BABAM2: variants seen among roughly 807,000 people sequenced by gnomAD.
The protein encoded by BABAM2 is BRISC and BRCA1-A complex member 2.
In BABAM2, 31 loss-of-function variants were observed where a neutral mutation model predicts 54.7. That is an observed-to-expected ratio of 0.57 (90% CI 0.43 to 0.77). The LOEUF is 0.77. Among genes scored for constraint, BABAM2 ranks in the 30% least tolerant of loss-of-function variants. The pLI is 0.00. For synonymous variants in BABAM2, 167 were observed against 162.9 expected (o/e 1.03, Z -0.19); for missense variants, 364 against 455.8 (o/e 0.80, Z 1.83).
intron 3 of BABAM2, among the ~76,000 whole-genome samples, chr2:27,942,965 T>A (rs1030489532): frequency 1.3e-5 from 2 of 152,102 alleles, no homozygotes; most frequent in Non-Finnish European, 2.9e-5. Context: ...CACCATTTTT[T>A]TGTAGAGACG....
intron 6 of BABAM2, among the ~76,000 whole-genome samples, chr2:28,047,655 A>G (rs1677689157): frequency 6.6e-6 from 1 of 151,296 alleles, no homozygotes; most frequent in East Asian, 1.9e-4. Flanking sequence ...CTTGCCAGTC[A>G]GTTAAGAGAA....
intron 6 of BABAM2, among the ~76,000 whole-genome samples, chr2:28,072,680 C>T (rs567035691): frequency 9.9e-5 from 15 of 152,208 alleles, no homozygotes; most frequent in Middle Eastern, 3.4e-3. Context: ...CCACTGTGCC[C>T]GGCCAGCCTG....
chr2:28,082,160 A>T (rs1377115257), intron 6 of BABAM2, among the ~76,000 whole-genome samples: 1 of 152,222 alleles, frequency 6.6e-6, no homozygotes. Context: ...CCCTGATATC[A>T]GTAATTTGAA....
At chr2:28,022,287 G>A (rs1057416369) in intron 4 of BABAM2, among the ~76,000 whole-genome samples, 3 of 152,236 alleles carry the variant, frequency 2.0e-5, no homozygotes, top group Non-Finnish European at 4.4e-5. Context: ...GCAAGTGCCA[G>A]TTCGTTGGTT....
chr2:27,949,426 T>C (rs13382482), intron 3 of BABAM2, among the ~76,000 whole-genome samples: 111,738 of 151,570 alleles, frequency 0.74, 42,201 homozygotes, highest in Middle Eastern at 0.88. Flanking sequence ...CCCAGGTACT[T>C]GGGAGGCCGA....
chr2:28,099,144 T>G (rs547896128), intron 6 of BABAM2, among the ~76,000 whole-genome samples: 1 of 152,342 alleles, frequency 6.6e-6, no homozygotes, highest in South Asian at 2.1e-4. Context: ...TAAATTGACT[T>G]CTTACAGGGA....
chr2:28,274,782 T>C (rs1358242567), intron 10 of BABAM2, among the ~76,000 whole-genome samples: 2 of 152,194 alleles, frequency 1.3e-5, no homozygotes, highest in East Asian at 1.9e-4. Context: ...AGCACTTGCA[T>C]GTACAGTGTC....
chr2:28,045,665 A>G, intron 5 of BABAM2, 60 bp from the exon 6 acceptor site: 1 of 1,456,146 alleles, frequency 6.9e-7, no homozygotes, highest in Admixed American at 1.9e-5. Context: ...CTTGGCTATA[A>G]TTGTCACTTC....
At chr2:28,026,878 A>ATATATAGATATATATATTTATG in intron 5 of BABAM2, among the ~76,000 whole-genome samples, 1 of 57,488 alleles carries the variant, frequency 1.7e-5, no homozygotes, top group Non-Finnish European at 3.2e-5. Flanking sequence ...ATATATTTAT[A>ATATATAGATATATATATTTATG]TATATATAGA....
At chr2:27,961,740 T>C (rs1282676541) in intron 3 of BABAM2, among the ~76,000 whole-genome samples, 2 of 149,548 alleles carry the variant, frequency 1.3e-5, no homozygotes, top group Non-Finnish European at 3.0e-5. Context: ...TTTTTTTTTT[T>C]TTTGAGAGAG....
At chr2:28,077,870 T>G (rs1345822974) in intron 6 of BABAM2, among the ~76,000 whole-genome samples, 2 of 152,092 alleles carry the variant, frequency 1.3e-5, no homozygotes, top group Non-Finnish European at 2.9e-5. Flanking sequence ...ATCAAGAAAA[T>G]TAAATACCAA....
chr2:28,041,952 G>A (rs1677135471), intron 5 of BABAM2, among the ~76,000 whole-genome samples: 1 of 152,204 alleles, frequency 6.6e-6, no homozygotes, highest in Non-Finnish European at 1.5e-5. Context: ...AGATCAGGTG[G>A]TTAGAGAGGT....
At chr2:28,133,948 C>T (rs1197271053) in intron 7 of BABAM2, among the ~76,000 whole-genome samples, 4 of 152,228 alleles carry the variant, frequency 2.6e-5, no homozygotes, top group Admixed American at 2.6e-4. Context: ...TCCCTGGCAG[C>T]CCTGCCGCAC....
At chr2:27,965,356 CT>C (rs1342430344) in intron 3 of BABAM2, among the ~76,000 whole-genome samples, 1 of 152,140 alleles carries the variant, frequency 6.6e-6, no homozygotes, top group East Asian at 1.9e-4. Context: ...ATTTCAAACA[CT>C]TAGAAATGTA....
intron 7 of BABAM2, among the ~76,000 whole-genome samples, chr2:28,231,903 C>A (rs1188711170): frequency 1.4e-5 from 2 of 141,446 alleles, no homozygotes; most frequent in African/African-American, 2.7e-5. Context: ...CAACTCCTGG[C>A]CTCAACTGAT....
intron 10 of BABAM2, among the ~76,000 whole-genome samples, chr2:28,254,728 ATTTTTTTTTTT>A (rs759661036): frequency 8.2e-6 from 1 of 122,402 alleles, no homozygotes; most frequent in Non-Finnish European, 1.7e-5. Flanking sequence ...TTTTTTTTCA[ATTTTTTTTTTT>A]TTTTTTTTTT....
chr2:28,152,015 G>GT (rs397723419), intron 7 of BABAM2, among the ~76,000 whole-genome samples: 2 of 151,788 alleles, frequency 1.3e-5, no homozygotes, highest in Non-Finnish European at 2.9e-5. Flanking sequence ...TCTGCAGGGG[G>GT]CTGTTTTTAT....
chr2:27,944,584 T>G (rs1669159757), intron 3 of BABAM2, among the ~76,000 whole-genome samples: 1 of 152,244 alleles, frequency 6.6e-6, no homozygotes, highest in Non-Finnish European at 1.5e-5. Context: ...TGTATAGCAC[T>G]ACATTGTATG....
chr2:28,325,923 G>A lies in BABAM2; in HGVS notation c.1089-12527G>A, dbSNP rs1429405726. 1.3e-5 allele frequency among the ~76,000 whole-genome samples: 2 copies of A among 152,232 alleles called. No individual in the cohort carries two copies. Among genetic ancestry groups the A allele is most frequent in the African/African-American group, 4.8e-5 (2 of 41,458 alleles). On this transcript the variant is annotated intron_variant, in intron 11 of 11. Coordinates refer to ENST00000379624, the MANE Select transcript of BABAM2 (RefSeq NM_199191.3). This position sits in a 1 kb window ranked among gnomAD's most constrained non-coding sequence, Gnocchi z 4.3. ...CTAGAGAGACTCAGGGGAGGGGAAG[G>A]TTAGAGGCCTCAAGGAGTTGATCTC...
Sources: allele counts gnomAD v4.1 joint callset (sites outside exome capture counted in the v4.1 genomes callset), GRCh38; gene constraint gnomAD v4.1.1; non-coding constraint Gnocchi (gnomAD v3.1); transcripts MANE v1.5; gene names NCBI Gene and HGNC (gene_info 2026-07-23, HGNC 2026-07-21).